The following CFAP46 variants were observed in gnomAD, a reference collection of about 807,000 sequenced individuals.
CFAP46 encodes cilia and flagella associated protein 46, also known as cilia- and flagella-associated protein 46.
Under a neutral mutation model 325.7 loss-of-function variants are expected in CFAP46, and 245 were observed. That is an observed-to-expected ratio of 0.75 (90% confidence interval 0.68 to 0.84). The LOEUF is 0.84. Ranked by LOEUF, CFAP46 falls within the 40% of genes least tolerant of loss-of-function variation. The pLI is 0.00. For missense variants in CFAP46, 3,346 were observed against 3,543.0 expected (o/e 0.94, Z 1.41); for synonymous variants, 1,523 against 1,495.9 (o/e 1.02, Z -0.42).
At chr10:132,896,495 C>A (rs981420883) in intron 24 of CFAP46, among the ~76,000 whole-genome samples, 3 of 152,174 alleles carry the variant, frequency 2.0e-5, no homozygotes, top group Non-Finnish European at 4.4e-5. Flanking sequence ...TATAACAGCA[C>A]CTTAAAAAAT....
intron 29 of CFAP46, among the ~76,000 whole-genome samples, chr10:132,878,596 T>C (rs1351421545): frequency 6.6e-6 from 1 of 152,180 alleles, no homozygotes; most frequent in African/African-American, 2.4e-5. Context: ...TAAGAACACA[T>C]GAGAATAACA....
intron 22 of CFAP46, among the ~76,000 whole-genome samples, chr10:132,907,521 G>A (rs1849473541): frequency 6.6e-6 from 1 of 152,200 alleles, no homozygotes; most frequent in South Asian, 2.1e-4. Flanking sequence ...TTCTTTCATT[G>A]AAATTACCCT....
In CFAP46 at chr10:132,909,264, G is replaced by C; in HGVS notation, c.2650-20C>G. 1 of 1,526,410 alleles carries C rather than the reference G, an allele frequency of 6.6e-7. No individual in the cohort carries two copies. The highest frequency in any genetic ancestry group is 8.9e-7 in the Non-Finnish European group (1 of 1,125,274). The allele number at this position is 1,526,410 out of a possible 1,614,324, so 94.6% of individuals were successfully genotyped here. A position where few individuals can be genotyped will look rare whatever the true frequency, so the allele number is the denominator to read the frequency against. On this transcript the variant is annotated intron_variant, in intron 20 of 57. Coordinates refer to ENST00000368586, the MANE Select transcript of CFAP46 (RefSeq NM_001200049.3). ...GGTGCCCTGGTGGGGAGGATGCCCT[G>C]AGTGTATCAGCCCAAGCGTGCGGGG...
chr10:132,808,527 C>T lies in CFAP46; in HGVS notation c.8042G>A (p.Cys2681Tyr). ...APWGLRRGWSCVSSRGQDKGG... is the reference protein window; with the variant it reads ...APWGLRRGWSYVSSRGQDKGG... ...CTTGTCCTGGCCCCGGGAAGAGACG[C>T]AGCTCCAGCCCCGACGCAGACCCCA... Residue 2681 changes from cysteine (C) to tyrosine (Y), a missense_variant, in exon 58 of 58, where the codon TGC becomes TAC. Transcript: ENST00000368586. This position sits in a 1 kb window ranked among gnomAD's most constrained non-coding sequence, Gnocchi z 6.8. The T allele has an allele frequency of 1.2e-6, 2 of 1,613,114 alleles. No homozygotes were observed. Among genetic ancestry groups the T allele is most frequent in the Non-Finnish European group, 1.7e-6 (2 of 1,179,998 alleles).
In CFAP46 at chr10:132,884,954, G is replaced by A. The variant is rs886484118; in HGVS notation, c.3627+149C>T. The stretch of plus-strand genomic sequence containing the variant: ...ACTGGTCAGCAAGAGGAGTGCCCGG[G>A]GCCACGCGGTGCATTCTCTGTGCCC... On this transcript the variant is annotated intron_variant, in intron 27 of 57. Transcript: ENST00000368586. The surrounding 1 kb of genome is among the most constrained non-coding windows in gnomAD (Gnocchi z 5.4). 61 of 815,266 alleles carry A rather than the reference G, an allele frequency of 7.5e-5. No homozygotes were observed. The highest frequency in any genetic ancestry group is 1.9e-5 in the Non-Finnish European group (10 of 537,800). 50.5% of individuals were successfully genotyped at this position (815,266 alleles called of 1,614,324 possible).
At chr10:132,851,406 T>A in intron 39 of CFAP46, 101 bp from the exon 40 acceptor site, 1 of 1,126,518 alleles carries the variant, frequency 8.9e-7, no homozygotes, top group South Asian at 1.5e-5. Context: ...AAGAAACTCA[T>A]AACAAACTGC....
chr10:132,813,319 C>G (rs1847620760), intron 54 of CFAP46, among the ~76,000 whole-genome samples: 1 of 148,580 alleles, frequency 6.7e-6, no homozygotes, highest in African/African-American at 2.4e-5. Flanking sequence ...CTGCACACAC[C>G]TGCCCCTGCA....
In CFAP46 at chr10:132,812,734, G is replaced by A. The variant is rs544484122; in HGVS notation, c.7501+51C>T. On this transcript the variant is annotated intron_variant, in intron 55 of 57. Coordinates refer to ENST00000368586, the MANE Select transcript of CFAP46 (RefSeq NM_001200049.3). Reference sequence around the variant, plus strand: ...CAGTGGCCCTGCTCTGCCCTCAGGCGGGTTTGTCCTGTGCCCGCGGGGGAG... The same window carrying A: ...CAGTGGCCCTGCTCTGCCCTCAGGCAGGTTTGTCCTGTGCCCGCGGGGGAG... The A allele has an allele frequency of 8.4e-5, 115 of 1,366,298 alleles. No individual in the cohort carries two copies. The South Asian group carries it at 9.0e-4, about 11-fold the overall frequency. The allele number at this position is 1,366,298 out of a possible 1,614,324, so 84.6% of individuals were successfully genotyped here.
intron 17 of CFAP46, 123 bp from the exon 18 acceptor site, chr10:132,913,381 G>A: frequency 2.9e-6 from 1 of 350,508 alleles, no homozygotes; most frequent in Non-Finnish European, 5.7e-6. Flanking sequence ...GGGCGGGTGG[G>A]CGGCGACCAA....
intron 39 of CFAP46, among the ~76,000 whole-genome samples, chr10:132,853,912 G>C (rs1271653334): frequency 6.6e-6 from 1 of 151,950 alleles, no homozygotes; most frequent in Non-Finnish European, 1.5e-5. Context: ...TTTCTGATCC[G>C]TCTGACTAGA....
At chr10:132,822,134 CTG>C (rs1189840776) in intron 50 of CFAP46, among the ~76,000 whole-genome samples, 11 of 113,708 alleles carry the variant, frequency 9.7e-5, no homozygotes, top group South Asian at 9.1e-4. Context: ...CTTGTGTGTG[CTG>C]TGTGTGTGCT....
chr10:132,853,158 C>A (rs1353124112), intron 39 of CFAP46, among the ~76,000 whole-genome samples: 1 of 152,192 alleles, frequency 6.6e-6, no homozygotes, highest in African/African-American at 2.4e-5. Flanking sequence ...CAGTCTTTCT[C>A]CCACAATTGT....
At chr10:132,809,495 C>T (rs2134737859) in intron 57 of CFAP46, among the ~76,000 whole-genome samples, 1 of 152,296 alleles carries the variant, frequency 6.6e-6, no homozygotes, top group South Asian at 2.1e-4. Context: ...TCTCCCCCAA[C>T]AAGCAGGGAT....
intron 8 of CFAP46, among the ~76,000 whole-genome samples, chr10:132,933,059 C>T (rs868150086): frequency 2.6e-5 from 4 of 152,226 alleles, no homozygotes; most frequent in South Asian, 2.1e-4. Flanking sequence ...ACAGTCTTAC[C>T]GGGAACACAA....
chr10:132,932,059 GCTCCCCACACAGAGCCTGGACCTTCATC>G (rs1564805103), intron 8 of CFAP46, among the ~76,000 whole-genome samples: 1 of 79,806 alleles, frequency 1.3e-5, no homozygotes, highest in African/African-American at 5.0e-5. Flanking sequence ...GGGCCTTCCT[GCTCCCCACACAGAGCCTGGACCTTCATC>G]CTCCCCACAC....
intron 5 of CFAP46, 79 bp downstream of exon 5, chr10:132,938,510 C>G (rs1027128157): frequency 7.4e-5 from 104 of 1,404,630 alleles, no homozygotes; most frequent in East Asian, 6.0e-4. Context: ...CCGTCCCCCC[C>G]CCGGAGAAGG....
At chr10:132,881,842 G>A (rs141303223) in intron 27 of CFAP46, among the ~76,000 whole-genome samples, 3 of 152,378 alleles carry the variant, frequency 2.0e-5, no homozygotes, top group Non-Finnish European at 1.5e-5. Flanking sequence ...CTCTCTGAGC[G>A]CTGGCCCATG....
In CFAP46 at chr10:132,879,406, G is replaced by A. The variant is rs1351929885; in HGVS notation, c.4005+20C>T. On this transcript the variant is annotated intron_variant, in intron 29 of 57. Coordinates refer to ENST00000368586, the MANE Select transcript of CFAP46 (RefSeq NM_001200049.3). ...CCCGGGAGGTGCTGCAGGAGCAGGG[G>A]AGTCTGCGCTGGGCCTCACCTGCCA... The A allele has an allele frequency of 1.4e-6, 2 of 1,475,336 alleles. No individual in the cohort carries two copies. Among genetic ancestry groups the A allele is most frequent in the African/African-American group, 2.8e-5 (2 of 70,962 alleles). 91.4% of individuals were successfully genotyped at this position (1,475,336 alleles called of 1,614,324 possible).
chr10:132,822,777 T>C (rs1024710472), intron 50 of CFAP46, among the ~76,000 whole-genome samples: 7 of 139,868 alleles, frequency 5.0e-5, no homozygotes, highest in Non-Finnish European at 1.1e-4. Context: ...GTGCTGTGTG[T>C]GCACTTGTGT....
Sources: allele counts gnomAD v4.1 joint callset (sites outside exome capture counted in the v4.1 genomes callset), GRCh38; gene constraint gnomAD v4.1.1; non-coding constraint Gnocchi (gnomAD v3.1); transcripts MANE v1.5; gene names NCBI Gene and HGNC (gene_info 2026-07-23, HGNC 2026-07-21).